LINGO1: variants seen among roughly 807,000 people sequenced by gnomAD.
LINGO1 encodes leucine-rich repeat and immunoglobulin-like domain-containing nogo receptor-interacting protein 1.
Under a neutral mutation model 37.3 loss-of-function variants are expected in LINGO1, and 11 were observed. The observed-to-expected ratio is 0.29, with a 90% confidence interval of 0.19 to 0.49. The LOEUF (loss-of-function observed/expected upper bound fraction) is 0.49, where lower values mean the gene tolerates loss of function less well. Ranked by LOEUF, LINGO1 falls within the 20% of genes least tolerant of loss-of-function variation. LINGO1 has a pLI of 0.99. For synonymous variants in LINGO1, 387 were observed against 403.0 expected (o/e 0.96, Z 0.48); for missense variants, 585 against 878.2 (o/e 0.67, Z 4.22).
At chr15:77,750,133 G>A (rs1337837133) in intron 1 of LINGO1, among the ~76,000 whole-genome samples, 3 of 152,070 alleles carry the variant, frequency 2.0e-5, no homozygotes, top group African/African-American at 7.2e-5. Context: ...CCACGTCCCC[G>A]ATGCCCCCCG....
At chr15:77,810,197 C>T (rs1487540804) in intron 1 of LINGO1, among the ~76,000 whole-genome samples, 3 of 151,836 alleles carry the variant, frequency 2.0e-5, no homozygotes, top group South Asian at 4.2e-4. Context: ...CTTCTCCTCT[C>T]GGGTAAGTAA....
chr15:77,777,683 T>C (rs2076675417), intron 1 of LINGO1, among the ~76,000 whole-genome samples: 1 of 152,120 alleles, frequency 6.6e-6, no homozygotes, highest in Non-Finnish European at 1.5e-5. Flanking sequence ...TCCTAGCACT[T>C]TGGGAGCCCG....
intron 1 of LINGO1, among the ~76,000 whole-genome samples, chr15:77,769,222 C>T (rs1041677556): frequency 4.6e-5 from 7 of 152,222 alleles, no homozygotes; most frequent in African/African-American, 1.7e-4. Context: ...GCAGCAAAGG[C>T]CTCCAGCGGA....
chr15:77,789,381 T>C (rs899847030), upstream of LINGO1, among the ~76,000 whole-genome samples: 1 of 152,128 alleles, frequency 6.6e-6, no homozygotes, highest in Non-Finnish European at 1.5e-5. Flanking sequence ...CACAGGCAAG[T>C]GGATCATCTG....
chr15:77,722,359 CA>C (rs2076059418), intron 2 of LINGO1, among the ~76,000 whole-genome samples: 1 of 152,210 alleles, frequency 6.6e-6, no homozygotes, highest in Admixed American at 6.5e-5. Context: ...CCTAGGGCCA[CA>C]GGGCGTGGCA....
intron 3 of LINGO1, among the ~76,000 whole-genome samples, chr15:77,645,371 CT>C (rs1305482802): frequency 6.6e-6 from 1 of 152,230 alleles, no homozygotes; most frequent in Non-Finnish European, 1.5e-5. Context: ...CTGAGGCCCA[CT>C]CTTTATCACT....
upstream of LINGO1, among the ~76,000 whole-genome samples, chr15:77,698,752 C>T (rs1281107218): frequency 2.0e-5 from 3 of 152,166 alleles, no homozygotes; most frequent in Non-Finnish European, 4.4e-5. Flanking sequence ...AATGGCAGGG[C>T]CATTAGGCCC....
intron 2 of LINGO1, among the ~76,000 whole-genome samples, chr15:77,733,210 G>A (rs1353241313): frequency 1.3e-5 from 2 of 152,252 alleles, no homozygotes; most frequent in Non-Finnish European, 2.9e-5. Flanking sequence ...GCTGAGGGCA[G>A]TTACTGTGGG....
At chr15:77,644,838 C>T (rs1386747854) in intron 3 of LINGO1, among the ~76,000 whole-genome samples, 2 of 152,094 alleles carry the variant, frequency 1.3e-5, no homozygotes, top group Admixed American at 6.5e-5. Flanking sequence ...TGGTGACGAG[C>T]GGTTTAGGGT....
intron 3 of LINGO1, chr15:77,666,973 T>A (rs2075143672): frequency 6.6e-6 from 1 of 152,178 alleles, no homozygotes; most frequent in Non-Finnish European, 1.5e-5. Flanking sequence ...TGAAAAGATC[T>A]AAAGAAGTCT....
At chr15:77,750,969 C>T (rs377108265) in intron 1 of LINGO1, among the ~76,000 whole-genome samples, 2 of 152,184 alleles carry the variant, frequency 1.3e-5, no homozygotes, top group African/African-American at 2.4e-5. Flanking sequence ...CAGCTGGCAC[C>T]TCTGAGTTGG....
chr15:77,764,118 T>C (rs1264872301), intron 1 of LINGO1, among the ~76,000 whole-genome samples: 1 of 152,226 alleles, frequency 6.6e-6, no homozygotes, highest in Non-Finnish European at 1.5e-5. Context: ...GTGCACTGTA[T>C]GCATTTTAGT....
rs2141078407 is a variant in LINGO1, at chr15:77,632,042, G to C, written c.6+268C>G. Among the ~76,000 whole-genome samples the C allele has an allele frequency of 6.6e-6, 1 of 152,336 alleles. No homozygotes were observed. Among genetic ancestry groups the C allele is most frequent in the African/African-American group, 2.4e-5 (1 of 41,590 alleles). ...AGGAAGGGGAGACCAGAGCAGGTCT[G>C]GGACACCCGTGGGGGCCCCTCCCCA... On this transcript the variant is annotated intron_variant, in intron 1 of 1. Transcript: ENST00000355300. The surrounding 1 kb of genome is among the most constrained non-coding windows in gnomAD (Gnocchi z 6.0).
intron 1 of LINGO1, among the ~76,000 whole-genome samples, chr15:77,629,297 C>T (rs1216414662): frequency 1.4e-5 from 2 of 144,726 alleles, no homozygotes; most frequent in African/African-American, 5.8e-5. Context: ...TTCGCTTGTT[C>T]GTTCATTCAT....
intron 1 of LINGO1, among the ~76,000 whole-genome samples, chr15:77,760,665 T>A (rs970225352): frequency 1.3e-5 from 2 of 152,122 alleles, no homozygotes; most frequent in African/African-American, 4.8e-5. Flanking sequence ...TTGAGACCCA[T>A]AGGCTAGCTG....
intron 2 of LINGO1, among the ~76,000 whole-genome samples, chr15:77,717,226 C>T (rs1204977478): frequency 6.6e-6 from 1 of 150,826 alleles, no homozygotes; most frequent in Non-Finnish European, 1.5e-5. Context: ...TCAATCTGCG[C>T]TCAGGTCCTG....
At chr15:77,656,348 C>T (rs1221907539) in intron 3 of LINGO1, among the ~76,000 whole-genome samples, 1 of 152,170 alleles carries the variant, frequency 6.6e-6, no homozygotes, top group East Asian at 1.9e-4. Context: ...TGTCTTTTTC[C>T]ACCCCCTTCC....
chr15:77,644,308 G>A (rs564261222), intron 3 of LINGO1, among the ~76,000 whole-genome samples: 33 of 152,284 alleles, frequency 2.2e-4, no homozygotes, highest in African/African-American at 6.7e-4. Context: ...CAGCTGTGCC[G>A]GAGGAGCCAC....
intron 1 of LINGO1, among the ~76,000 whole-genome samples, chr15:77,778,230 G>C (rs2076680928): frequency 6.6e-6 from 1 of 152,140 alleles, no homozygotes; most frequent in African/African-American, 2.4e-5. Context: ...CTCCCTTGCA[G>C]TCAAATCTCC....
Sources: gnomAD v4.1 joint callset for allele counts (sites outside exome capture counted in the v4.1 genomes callset) on GRCh38, gnomAD v4.1.1 for gene constraint, Gnocchi (gnomAD v3.1) non-coding constraint, MANE v1.5 for transcripts, NCBI Gene and HGNC (gene_info 2026-07-23, HGNC 2026-07-21) for gene names.